IKBKB-DT: variants seen among roughly 807,000 people sequenced by gnomAD.
The protein encoded by IKBKB-DT is IKBKB divergent transcript.
At chr8:42,266,360 T>A (rs574625202) in exon 2 of IKBKB-DT, 20 of 152,368 alleles carry the variant, frequency 1.3e-4, no homozygotes, top group African/African-American at 4.6e-4. Context: ...AAACAATTCT[T>A]TCTTTACTTG....
intron 3 of IKBKB-DT, among the ~76,000 whole-genome samples, chr8:42,238,992 C>T (rs1806963223): frequency 6.6e-6 from 1 of 152,156 alleles, no homozygotes; most frequent in African/African-American, 2.4e-5. Flanking sequence ...ACACTGCTGT[C>T]TCTGTGAATT....
At chr8:42,257,297 A>G (rs1382232930) in intron 3 of IKBKB-DT, among the ~76,000 whole-genome samples, 1 of 152,012 alleles carries the variant, frequency 6.6e-6, no homozygotes, top group Non-Finnish European at 1.5e-5. Context: ...AGGTCAACCA[A>G]TTGAGACCAT....
At chr8:42,250,766 C>T (rs1807120563) in intron 3 of IKBKB-DT, among the ~76,000 whole-genome samples, 1 of 152,056 alleles carries the variant, frequency 6.6e-6, no homozygotes, top group Non-Finnish European at 1.5e-5. Flanking sequence ...GTCTGTAATT[C>T]CAGCTACTCA....
chr8:42,262,557 A>C (rs1053146648), intron 3 of IKBKB-DT, among the ~76,000 whole-genome samples: 3 of 152,042 alleles, frequency 2.0e-5, no homozygotes, highest in Admixed American at 2.0e-4. Flanking sequence ...CTCCTGCCTC[A>C]GCCTCCTGAG....
intron 3 of IKBKB-DT, among the ~76,000 whole-genome samples, chr8:42,251,578 T>C (rs1807128977): frequency 1.3e-5 from 2 of 151,576 alleles, no homozygotes; most frequent in South Asian, 4.1e-4. Context: ...AGTTAGTCTT[T>C]AAAAGAAACT....
chr8:42,251,486 C>A lies in IKBKB-DT; in HGVS notation n.1529+11843G>T, dbSNP rs184162458. ...AAGGGGCATAGGCTGTGAGCTGGAA[C>A]GTGCCTGTGAGCATGTCCAACAGTT... is the stretch of plus-strand genomic sequence containing the variant. On this transcript the variant is annotated intron_variant and non_coding_transcript_variant, in intron 3 of 3. Transcript: ENST00000518213. 4.4e-3 allele frequency among the ~76,000 whole-genome samples: 675 copies of A among 152,236 alleles called. 4 individuals carry two copies. The highest frequency in any genetic ancestry group is 6.7e-3 in the Non-Finnish European group (456 of 68,002).
At chr8:42,270,125 A>C (rs17875739) in intron 1 of IKBKB-DT, among the ~76,000 whole-genome samples, 4,017 of 152,260 alleles carry the variant, frequency 0.026, 81 homozygotes, top group Non-Finnish European at 0.042. Context: ...TTAGCCACGG[A>C]TTAAGAACCC....
chr8:42,238,665 A>AGAAC lies in IKBKB-DT; in HGVS notation n.1530-4810_1530-4807dup, dbSNP rs773982428. 4.6e-4 allele frequency among the ~76,000 whole-genome samples: 70 copies of AGAAC among 152,326 alleles called. 1 individual carries two copies. The highest frequency in any genetic ancestry group is 2.1e-4 in the South Asian group (1 of 4,830). On this transcript the variant is annotated intron_variant and non_coding_transcript_variant, in intron 3 of 3. Coordinates refer to ENST00000518213, the Ensembl canonical transcript of IKBKB-DT. The stretch of plus-strand genomic sequence containing the variant: ...CTTCTATAGATAACATCCTTGTTGT[A>AGAAC]GAACCTAAGATTGGTGTTTTGTGAT...
chr8:42,245,361 C>T (rs958814050), intron 3 of IKBKB-DT, among the ~76,000 whole-genome samples: 2 of 152,194 alleles, frequency 1.3e-5, no homozygotes, highest in Non-Finnish European at 2.9e-5. Context: ...CATGAGTTTA[C>T]AACTTCTGGT....
chr8:42,268,919 C>T (rs1393366472), intron 1 of IKBKB-DT, among the ~76,000 whole-genome samples: 1 of 152,126 alleles, frequency 6.6e-6, no homozygotes, highest in Non-Finnish European at 1.5e-5. Flanking sequence ...TTATATTGCA[C>T]TTAGACAATG....
intron 3 of IKBKB-DT, among the ~76,000 whole-genome samples, chr8:42,236,404 G>A (rs1181247674): frequency 1.3e-5 from 2 of 152,150 alleles, no homozygotes; most frequent in South Asian, 2.1e-4. Context: ...AGGTCAAAAA[G>A]ACTTCATTTA....
At chr8:42,270,035 C>T (rs1338320121) in intron 1 of IKBKB-DT, among the ~76,000 whole-genome samples, 2 of 152,152 alleles carry the variant, frequency 1.3e-5, no homozygotes, top group African/African-American at 2.4e-5. Flanking sequence ...AACCAGCCCC[C>T]GTGCCTCAGA....
chr8:42,261,590 A>G (rs1395730722), intron 3 of IKBKB-DT, among the ~76,000 whole-genome samples: 6 of 152,196 alleles, frequency 3.9e-5, no homozygotes, highest in African/African-American at 7.2e-5. Context: ...CTGTAAACCA[A>G]TGTGAATTCC....
intron 3 of IKBKB-DT, among the ~76,000 whole-genome samples, chr8:42,244,033 G>A (rs1264693181): frequency 1.3e-5 from 2 of 152,158 alleles, no homozygotes; most frequent in Admixed American, 6.6e-5. Flanking sequence ...TATACAAACT[G>A]CAAAACAAGT....
chr8:42,269,457 A>AGGGGACGG (rs1554504333), intron 1 of IKBKB-DT, among the ~76,000 whole-genome samples: 1 of 23,338 alleles, frequency 4.3e-5, no homozygotes, highest in African/African-American at 1.9e-4. Context: ...AGGGGAGGGG[A>AGGGGACGG]GGGGAGGGGA....
chr8:42,255,436 G>A (rs1807185993), intron 3 of IKBKB-DT: 1 of 152,168 alleles, frequency 6.6e-6, no homozygotes, highest in Admixed American at 6.5e-5. Flanking sequence ...TGCAATATCT[G>A]TAGACTTTGA....
At chr8:42,262,296 TAAATA>T (rs1563278771) in intron 3 of IKBKB-DT, among the ~76,000 whole-genome samples, 1 of 128,880 alleles carries the variant, frequency 7.8e-6, no homozygotes, top group Non-Finnish European at 1.7e-5. Flanking sequence ...AAAAAAAAAA[TAAATA>T]AAAGATGACC....
chr8:42,264,961 A>C (rs7845567), intron 2 of IKBKB-DT, among the ~76,000 whole-genome samples: 32,263 of 150,922 alleles, frequency 0.21, 8,011 homozygotes, highest in African/African-American at 0.61. Context: ...CTCCTGGGTT[A>C]AAGTGATTCT....
intron 3 of IKBKB-DT, among the ~76,000 whole-genome samples, chr8:42,243,754 C>CA (rs1807031713): frequency 6.6e-6 from 1 of 152,184 alleles, no homozygotes; most frequent in Non-Finnish European, 1.5e-5. Flanking sequence ...TTGTTCAGAA[C>CA]ATTAAAATAA....
Sources: allele counts gnomAD v4.1 joint callset (sites outside exome capture counted in the v4.1 genomes callset), GRCh38; gene constraint gnomAD v4.1.1; transcripts MANE v1.5; gene names NCBI Gene and HGNC (gene_info 2026-07-23, HGNC 2026-07-21).